Variants in ABI2 observed in about 807,000 individuals in gnomAD.
The protein encoded by ABI2 is abl interactor 2, also known as abelson interactor 2.
In ABI2, 25 loss-of-function variants were observed where a neutral mutation model predicts 59.2. The ratio of observed to expected loss-of-function variants is 0.42; its 90% confidence interval spans 0.31 to 0.59. The LOEUF (loss-of-function observed/expected upper bound fraction) is 0.59. ABI2 is among the 20% of genes least tolerant of loss of function. ABI2 has a pLI of 0.14. For synonymous variants in ABI2, 213 were observed against 235.5 expected (o/e 0.90, Z 0.87); for missense variants, 545 against 681.8 (o/e 0.80, Z 2.23).
intron 8 of ABI2, among the ~76,000 whole-genome samples, chr2:203,398,265 AAACT>A (rs1159439729): frequency 6.6e-6 from 1 of 152,218 alleles, no homozygotes; most frequent in African/African-American, 2.4e-5. Flanking sequence ...CTGTTAGGCC[AAACT>A]AACTAGTTAA....
At chr2:203,354,843 T>A (rs1312627448) in intron 1 of ABI2, among the ~76,000 whole-genome samples, 2 of 152,190 alleles carry the variant, frequency 1.3e-5, no homozygotes, top group Non-Finnish European at 2.9e-5. Context: ...TATCTTAGTA[T>A]CTTCTAAGAC....
Position 203,430,904 on chromosome 2 carries a change from A to G in ABI2, c.*3552A>G, listed in dbSNP as rs1441847398. The G allele has an allele frequency of 6.6e-6, 1 of 152,164 alleles. No individual in the cohort carries two copies. Among genetic ancestry groups the G allele is most frequent in the Non-Finnish European group, 1.5e-5 (1 of 68,012 alleles). 9.4% of individuals were successfully genotyped at this position (152,164 alleles called of 1,614,324 possible). Reference sequence around the variant, plus strand: ...ATCAAAATGATGGTAGTTTGCTTTTATCTTTTTATGTTCATTTTCTTTTAG... The same window carrying G: ...ATCAAAATGATGGTAGTTTGCTTTTGTCTTTTTATGTTCATTTTCTTTTAG... On this transcript the variant is annotated 3_prime_UTR_variant, in exon 12 of 12. Coordinates refer to ENST00000261018, the MANE Select transcript of ABI2 (RefSeq NM_001375670.1).
At chr2:203,377,730 A>AC (rs2095806650) in intron 2 of ABI2, among the ~76,000 whole-genome samples, 1 of 151,972 alleles carries the variant, frequency 6.6e-6, no homozygotes, top group African/African-American at 2.4e-5. Flanking sequence ...ACATGGAAAA[A>AC]CCCCAACTCT....
chr2:203,328,654 C>G, intron 1 of ABI2, 23 bp downstream of exon 1: 1 of 1,498,246 alleles, frequency 6.7e-7, no homozygotes, highest in Non-Finnish European at 9.0e-7. Context: ...CCCAGCTGGG[C>G]CGCGTCGGGG....
chr2:203,403,645 T>TTA (rs10623184), intron 9 of ABI2, among the ~76,000 whole-genome samples: 111,670 of 151,550 alleles, frequency 0.74, 42,244 homozygotes, highest in Middle Eastern at 0.87. Context: ...GATCATTTTC[T>TTA]TATATCTTAT....
At chr2:203,394,473 C>T in intron 5 of ABI2, 1 of 500,098 alleles carries the variant, frequency 2.0e-6, no homozygotes, top group Non-Finnish European at 3.5e-6. Flanking sequence ...AACAAAATTG[C>T]ATTAGCACAG....
chr2:203,352,212 CT>C (rs1335112831), intron 1 of ABI2, among the ~76,000 whole-genome samples: 1 of 152,150 alleles, frequency 6.6e-6, no homozygotes, highest in East Asian at 1.9e-4. Context: ...ATAATCCCAG[CT>C]TTTTGGGAGC....
At chr2:203,372,582 A>C (rs1030777096) in intron 2 of ABI2, among the ~76,000 whole-genome samples, 1 of 141,138 alleles carries the variant, frequency 7.1e-6, no homozygotes, top group Non-Finnish European at 1.5e-5. Flanking sequence ...TCCCTCCCGG[A>C]CGGGGCGGGT....
At chr2:203,345,033 C>G (rs561425405) in intron 1 of ABI2, among the ~76,000 whole-genome samples, 3 of 152,248 alleles carry the variant, frequency 2.0e-5, no homozygotes, top group South Asian at 2.1e-4. Context: ...AGCTGGCTGC[C>G]GGAGCCCGCA....
chr2:203,405,028 T>C (rs1341528330), intron 9 of ABI2, among the ~76,000 whole-genome samples: 1 of 152,262 alleles, frequency 6.6e-6, no homozygotes, highest in Non-Finnish European at 1.5e-5. Flanking sequence ...TGAAAGTATA[T>C]GTTAAAGTAA....
intron 1 of ABI2, among the ~76,000 whole-genome samples, chr2:203,364,684 ATACT>A (rs1559226944): frequency 6.6e-6 from 1 of 152,042 alleles, no homozygotes; most frequent in Non-Finnish European, 1.5e-5. Flanking sequence ...CTAGGATAGA[ATACT>A]TAAAGTTTCT....
intron 9 of ABI2, among the ~76,000 whole-genome samples, chr2:203,405,639 G>C (rs545512721): frequency 1.3e-5 from 2 of 151,970 alleles, no homozygotes; most frequent in African/African-American, 4.8e-5. Flanking sequence ...GAGAATATTT[G>C]TTGTGCTTTC....
intron 9 of ABI2, among the ~76,000 whole-genome samples, chr2:203,409,776 C>T (rs902371343): frequency 1.3e-5 from 2 of 152,134 alleles, no homozygotes; most frequent in African/African-American, 4.8e-5. Context: ...AAGTAGGTTG[C>T]ATTACCTTGT....
At chr2:203,375,279 ATTATAT>A (rs2095605687) in intron 2 of ABI2, among the ~76,000 whole-genome samples, 1 of 152,214 alleles carries the variant, frequency 6.6e-6, no homozygotes, top group Admixed American at 6.5e-5. Context: ...GCAAACAATA[ATTATAT>A]TAATTGTGTA....
In ABI2 at chr2:203,431,917, A is replaced by AAAAG. The variant is rs1165900802; in HGVS notation, c.*4568_*4571dup. 14 of 152,168 alleles carry AAAAG rather than the reference A, an allele frequency of 9.2e-5. No homozygotes were observed. The highest frequency in any genetic ancestry group is 9.2e-4 in the Admixed American group (14 of 15,282). 9.4% of individuals were successfully genotyped at this position (152,168 alleles called of 1,614,324 possible). On this transcript the variant is annotated 3_prime_UTR_variant, in exon 12 of 12. Coordinates refer to ENST00000261018, the MANE Select transcript of ABI2 (RefSeq NM_001375670.1). ...CCATTTTTCTTAAAATGGCTTACAA[A>AAAAG]AAAGAATGTAAACAATTTGTGATCT...
intron 1 of ABI2, among the ~76,000 whole-genome samples, chr2:203,336,782 T>C (rs1241360054): frequency 3.3e-5 from 5 of 152,234 alleles, no homozygotes; most frequent in Admixed American, 1.3e-4. Flanking sequence ...GTCTATCACA[T>C]TGCCTTCTCT....
intron 1 of ABI2, among the ~76,000 whole-genome samples, chr2:203,338,840 T>A (rs537849688): frequency 2.8e-3 from 412 of 145,330 alleles, no homozygotes; most frequent in Non-Finnish European, 4.5e-3. Context: ...GGACACAAAA[T>A]GAAAAGGCAA....
At chr2:203,404,557 T>TTTTTG (rs1225014415) in intron 9 of ABI2, among the ~76,000 whole-genome samples, 1 of 152,102 alleles carries the variant, frequency 6.6e-6, no homozygotes, top group African/African-American at 2.4e-5. Context: ...GCCTGGCTAA[T>TTTTTG]TTTTGTTTTG....
chr2:203,413,005 A>G (rs1219966364), intron 10 of ABI2, among the ~76,000 whole-genome samples: 1 of 152,232 alleles, frequency 6.6e-6, no homozygotes, highest in African/African-American at 2.4e-5. Context: ...GTTTAATCAC[A>G]ATGATTAATG....
Sources: allele counts gnomAD v4.1 joint callset (sites outside exome capture counted in the v4.1 genomes callset), GRCh38; gene constraint gnomAD v4.1.1; transcripts MANE v1.5; gene names NCBI Gene and HGNC (gene_info 2026-07-23, HGNC 2026-07-21).